THADA: variants seen among roughly 807,000 people sequenced by gnomAD.
THADA encodes the protein THADA armadillo repeat containing.
THADA carries 213 observed loss-of-function variants against 219.8 expected under a neutral mutation model. The ratio of observed to expected loss-of-function variants is 0.97; its 90% confidence interval spans 0.87 to 1.09. The LOEUF (loss-of-function observed/expected upper bound fraction) is 1.09, where lower values mean the gene tolerates loss of function less well. THADA is among the 50% of genes least tolerant of loss of function. The pLI is 0.00. For synonymous variants in THADA, 1,018 were observed against 828.9 expected (o/e 1.23, Z -3.92); for missense variants, 2,956 against 2,311.3 (o/e 1.28, Z -5.72).
chr2:43,265,961 AC>A (rs1444125736), intron 36 of THADA, among the ~76,000 whole-genome samples: 62 of 133,388 alleles, frequency 4.6e-4, no homozygotes, highest in Admixed American at 1.8e-3. Context: ...ACACACACAC[AC>A]ACACACACAC....
At chr2:43,558,702 G>A (rs1453056484) in intron 16 of THADA, among the ~76,000 whole-genome samples, 1 of 152,072 alleles carries the variant, frequency 6.6e-6, no homozygotes. Flanking sequence ...CTATTGTGGG[G>A]CCTCAGCTTG....
intron 29 of THADA, among the ~76,000 whole-genome samples, chr2:43,356,361 A>C (rs184688258): frequency 1.3e-5 from 2 of 152,336 alleles, no homozygotes; most frequent in African/African-American, 4.8e-5. Flanking sequence ...ATCATGTTTT[A>C]TAATCAGCAG....
chr2:43,516,980 C>A (rs561108790), intron 22 of THADA, among the ~76,000 whole-genome samples: 9 of 152,260 alleles, frequency 5.9e-5, no homozygotes, highest in African/African-American at 1.9e-4. Context: ...AAGATATTAA[C>A]TTCCTGATCA....
At chr2:43,279,977 A>G in intron 35 of THADA, 81 bp from the exon 36 acceptor site, 1 of 1,323,930 alleles carries the variant, frequency 7.6e-7, no homozygotes, top group Non-Finnish European at 9.9e-7. Flanking sequence ...TCCCTGGTGG[A>G]AGAGAGGAGC....
chr2:43,350,677 C>A (rs1330373868), intron 29 of THADA, among the ~76,000 whole-genome samples: 1 of 152,230 alleles, frequency 6.6e-6, no homozygotes, highest in Non-Finnish European at 1.5e-5. Context: ...CTGAATTCCT[C>A]AACCTGGTCA....
chr2:43,232,890 G>A lies in THADA; in HGVS notation c.5297-8C>T. 1 of 1,605,658 alleles carries A rather than the reference G, an allele frequency of 6.2e-7. No homozygotes were observed. On this transcript the variant is annotated splice_polypyrimidine_tract_variant and splice_region_variant and intron_variant, in intron 36 of 37. Transcript: ENST00000405975. ...CCTGGCAGAAGGCAAACTCTGCAAA[G>A]ACAGGAGAAAGGTGAGCAATGAATA...
At position 43,558,254 on chromosome 2, in the gene THADA, C is replaced by T. The variant is rs182546994; in HGVS notation, c.2464-1699G>A. On this transcript the variant is annotated intron_variant, in intron 16 of 37. Coordinates refer to ENST00000405975, the MANE Select transcript of THADA (RefSeq NM_022065.5). ...ATGCCGTCAACAATACGTATGTACA[C>T]GTCCTTAGAGAGATCAGGTTAGCAT... Among the ~76,000 whole-genome samples, 567 of 152,274 alleles carry T rather than the reference C, an allele frequency of 3.7e-3. 2 individuals carry two copies. The highest frequency in any genetic ancestry group is 4.1e-3 in the Non-Finnish European group (277 of 68,026).
chr2:43,420,996 C>G (rs920960046), intron 28 of THADA, among the ~76,000 whole-genome samples: 3 of 152,188 alleles, frequency 2.0e-5, no homozygotes, highest in African/African-American at 7.2e-5. Flanking sequence ...AACAACCTTC[C>G]AATCTCTGCT....
At chr2:43,343,206 G>T (rs934058295) in intron 30 of THADA, 50 of 152,144 alleles carry the variant, frequency 3.3e-4, no homozygotes, top group African/African-American at 1.2e-3. Flanking sequence ...TTTTGTTGTT[G>T]TCGTTGTTTT....
rs201523310 is a variant in THADA at position 43,591,982 on chromosome 2, A to G, written c.141T>C (p.Asp47=). 3.8e-6 allele frequency: 6 copies of G among 1,559,276 alleles called. No individual in the cohort carries two copies. The highest frequency in any genetic ancestry group is 2.3e-5 in the East Asian group (1 of 43,310). Residue 47 remains aspartate, a synonymous_variant, in exon 3 of 38, where the codon GAT becomes GAC. Transcript: ENST00000405975. ...SLLLHCVQLT[D]GVSQIHYIKQ... Reference sequence around the variant, plus strand: ...TAATATAATGGATTTGTGACACTCCATCCGTGAGTTGCACACAATGTAACA... The same window carrying G: ...TAATATAATGGATTTGTGACACTCCGTCCGTGAGTTGCACACAATGTAACA...
rs374504255 is a variant in THADA, at chr2:43,401,951, A to T, written c.4059-3812T>A. On this transcript the variant is annotated intron_variant, in intron 28 of 37. Coordinates refer to ENST00000405975, the MANE Select transcript of THADA (RefSeq NM_022065.5). Reference sequence around the variant, plus strand: ...GTGGTTTTTTGTTGTTTTTTTTTTTAAAAAAAATTTTAAGGATCATGAAAA... The same window carrying T: ...GTGGTTTTTTGTTGTTTTTTTTTTTTAAAAAAATTTTAAGGATCATGAAAA... Among the ~76,000 whole-genome samples, 201 of 96,584 alleles carry T rather than the reference A, an allele frequency of 2.1e-3. 2 individuals carry two copies. The highest frequency in any genetic ancestry group is 7.0e-3 in the East Asian group (34 of 4,852). 63.4% of individuals were successfully genotyped at this position (96,584 alleles called of 152,430 possible). A position where few individuals can be genotyped will look rare whatever the true frequency, so the allele number is the denominator to read the frequency against.
chr2:43,529,160 A>G (rs1325152165), intron 21 of THADA, among the ~76,000 whole-genome samples: 1 of 151,992 alleles, frequency 6.6e-6, no homozygotes, highest in Non-Finnish European at 1.5e-5. Context: ...TTTTTTTAAA[A>G]AAAAAAAAAC....
chr2:43,490,267 G>T (rs1441611537), intron 25 of THADA, among the ~76,000 whole-genome samples: 1 of 152,068 alleles, frequency 6.6e-6, no homozygotes, highest in Non-Finnish European at 1.5e-5. Context: ...CTATATTTAA[G>T]ATCATGTCAT....
intron 20 of THADA, 49 bp from the exon 21 acceptor site, chr2:43,541,365 C>T (rs1695288016): frequency 6.3e-7 from 1 of 1,596,026 alleles, no homozygotes; most frequent in African/African-American, 1.4e-5. Flanking sequence ...ACTCATATCC[C>T]AGGTTTCTAA....
intron 28 of THADA, among the ~76,000 whole-genome samples, chr2:43,420,459 T>G (rs1189524789): frequency 6.6e-6 from 1 of 152,244 alleles, no homozygotes; most frequent in Non-Finnish European, 1.5e-5. Context: ...CTAGTATGAA[T>G]GGCAGCAATA....
chr2:43,399,246 G>A (rs972944613), intron 28 of THADA, among the ~76,000 whole-genome samples: 1 of 152,306 alleles, frequency 6.6e-6, no homozygotes, highest in Non-Finnish European at 1.5e-5. Flanking sequence ...CACAAGAATA[G>A]GGAAGGTCAG....
chr2:43,394,793 A>T (rs1673828676), intron 29 of THADA, among the ~76,000 whole-genome samples: 2 of 152,226 alleles, frequency 1.3e-5, no homozygotes, highest in African/African-American at 2.4e-5. Flanking sequence ...AACCAGGGTA[A>T]ACCAACCTTG....
intron 28 of THADA, among the ~76,000 whole-genome samples, chr2:43,407,547 T>G: frequency 6.6e-6 from 1 of 152,300 alleles, no homozygotes; most frequent in East Asian, 1.9e-4. Context: ...CAGGTGATTA[T>G]CTCTGAAATG....
At chr2:43,483,172 G>A (rs1454643242) in intron 26 of THADA, among the ~76,000 whole-genome samples, 7 of 152,122 alleles carry the variant, frequency 4.6e-5, no homozygotes, top group East Asian at 3.8e-4. Flanking sequence ...GTGTGTCACC[G>A]GCTGAGGTTA....
Sources: allele counts gnomAD v4.1 joint callset (sites outside exome capture counted in the v4.1 genomes callset), GRCh38; gene constraint gnomAD v4.1.1; transcripts MANE v1.5; gene names NCBI Gene and HGNC (gene_info 2026-07-23, HGNC 2026-07-21).